The following EXOC6B variants were observed in gnomAD, a reference collection of about 807,000 sequenced individuals.
The protein encoded by EXOC6B is SEC15 homolog B.
Under a neutral mutation model 113.5 loss-of-function variants are expected in EXOC6B, and 54 were observed. That is an observed-to-expected ratio of 0.48 (90% confidence interval 0.38 to 0.60). The LOEUF (loss-of-function observed/expected upper bound fraction) is 0.60. Among genes scored for constraint, EXOC6B ranks in the 20% least tolerant of loss-of-function variants. The pLI is 0.00. For missense variants in EXOC6B, 797 were observed against 977.5 expected, an observed-to-expected ratio of 0.82 and a Z score of 2.46; for synonymous variants, 357 against 339.0, an observed-to-expected ratio of 1.05 and a Z score of -0.58.
chr2:72,365,541 T>C (rs982509560), intron 19 of EXOC6B, among the ~76,000 whole-genome samples: 4 of 152,134 alleles, frequency 2.6e-5, no homozygotes, highest in South Asian at 2.1e-4. Context: ...AAACAGAACA[T>C]GGTTGTCTTA....
At chr2:72,640,139 C>A (rs1251776784) in intron 6 of EXOC6B, among the ~76,000 whole-genome samples, 2 of 151,894 alleles carry the variant, frequency 1.3e-5, no homozygotes, top group Admixed American at 1.3e-4. Context: ...AATGCAGGAG[C>A]CAAGAGACAA....
At chr2:72,811,934 T>A (rs1166305625) in intron 1 of EXOC6B, among the ~76,000 whole-genome samples, 1 of 152,160 alleles carries the variant, frequency 6.6e-6, no homozygotes, top group African/African-American at 2.4e-5. Context: ...AACCTAAAGT[T>A]AACATGATAC....
chr2:72,257,115 G>A (rs1383988463), intron 20 of EXOC6B, among the ~76,000 whole-genome samples: 3 of 152,094 alleles, frequency 2.0e-5, no homozygotes, highest in East Asian at 1.9e-4. Context: ...CAAAGACAAC[G>A]CACATATGTG....
chr2:72,759,915 C>A (rs764306460), intron 1 of EXOC6B, among the ~76,000 whole-genome samples: 1 of 152,106 alleles, frequency 6.6e-6, no homozygotes, highest in Non-Finnish European at 1.5e-5. Context: ...ATGTCCCTAC[C>A]TTTTGAAGGC....
intron 18 of EXOC6B, among the ~76,000 whole-genome samples, chr2:72,431,647 T>A (rs547015863): frequency 6.6e-6 from 1 of 152,196 alleles, no homozygotes; most frequent in Non-Finnish European, 1.5e-5. Context: ...CAACTAAATT[T>A]TTTTATTATT....
At chr2:72,271,460 A>G (rs1324656542) in intron 20 of EXOC6B, among the ~76,000 whole-genome samples, 2 of 151,964 alleles carry the variant, frequency 1.3e-5, no homozygotes, top group Non-Finnish European at 2.9e-5. Flanking sequence ...CTACTGAAGG[A>G]GAGAGTTGGG....
chr2:72,207,616 C>A (rs775929189), intron 20 of EXOC6B, among the ~76,000 whole-genome samples: 15 of 152,126 alleles, frequency 9.9e-5, no homozygotes, highest in Non-Finnish European at 1.9e-4. Flanking sequence ...TAGGTCAAAG[C>A]TTTTGATATC....
At chr2:72,338,340 G>A (rs1023107645) in intron 19 of EXOC6B, among the ~76,000 whole-genome samples, 11 of 152,094 alleles carry the variant, frequency 7.2e-5, no homozygotes, top group African/African-American at 2.7e-4. Context: ...AAGGTTCATA[G>A]CGTACACTGA....
chr2:72,260,436 G>C (rs932874492), intron 20 of EXOC6B, among the ~76,000 whole-genome samples: 1 of 152,210 alleles, frequency 6.6e-6, no homozygotes, highest in East Asian at 1.9e-4. Context: ...ATTATGAGCA[G>C]AGTGTCATTA....
At chr2:72,521,780 T>G (rs1701501191) in intron 8 of EXOC6B, among the ~76,000 whole-genome samples, 1 of 152,104 alleles carries the variant, frequency 6.6e-6, no homozygotes, top group Non-Finnish European at 1.5e-5. Context: ...CACTGCAACC[T>G]CCGCCTCCCG....
rs57679690 is a variant in EXOC6B at position 72,189,860 on chromosome 2, C to CTTTTTTTTTTTTTTTTT, written c.2197-5690_2197-5674dup. Among the ~76,000 whole-genome samples the CTTTTTTTTTTTTTTTTT allele has an allele frequency of 1.3e-4, 11 of 87,252 alleles. 2 individuals carry two copies. The highest frequency in any genetic ancestry group is 5.2e-4 in the African/African-American group (8 of 15,346). 57.2% of individuals were successfully genotyped at this position (87,252 alleles called of 152,430 possible). A position where few individuals can be genotyped will look rare whatever the true frequency, so the allele number is the denominator to read the frequency against. On this transcript the variant is annotated intron_variant, in intron 20 of 21. Coordinates refer to ENST00000272427, the MANE Select transcript of EXOC6B (RefSeq NM_015189.3). ...TCTCTCTCTCTTTCTCCTTCTTCTT[C>CTTTTTTTTTTTTTTTTT]TTTTTTTTTTTTTTTTTTTTGAGGC...
chr2:72,664,743 T>C (rs1413974748), intron 6 of EXOC6B, among the ~76,000 whole-genome samples: 1 of 152,164 alleles, frequency 6.6e-6, no homozygotes, highest in African/African-American at 2.4e-5. Context: ...CAGCAGCCCT[T>C]TGAAAGGTTC....
rs1458516389 is a variant in EXOC6B at position 72,334,944 on chromosome 2, T to C, written c.2196+3A>G. ...AACAAAAAACAAAAACACAAAGACT[T>C]ACTTGTCTCAAGTCGATGAAGGCCA... is the stretch of plus-strand genomic sequence containing the variant. On this transcript the variant is annotated splice_donor_region_variant and intron_variant, in intron 20 of 21. Coordinates refer to ENST00000272427, the MANE Select transcript of EXOC6B (RefSeq NM_015189.3). The C allele has an allele frequency of 1.2e-6, 2 of 1,613,104 alleles. No individual in the cohort carries two copies. The highest frequency in any genetic ancestry group is 1.7e-5 in the Admixed American group (1 of 59,958).
At chr2:72,211,191 G>T (rs140343708) in intron 20 of EXOC6B, among the ~76,000 whole-genome samples, 1 of 152,286 alleles carries the variant, frequency 6.6e-6, no homozygotes, top group East Asian at 1.9e-4. Flanking sequence ...CAGAGACTCA[G>T]TTAGTGACGT....
At chr2:72,331,599 G>T (rs927968341) in intron 20 of EXOC6B, among the ~76,000 whole-genome samples, 1 of 151,940 alleles carries the variant, frequency 6.6e-6, no homozygotes, top group African/African-American at 2.4e-5. Flanking sequence ...TTTGATTTTT[G>T]CATGAGAAGT....
chr2:72,594,124 G>A (rs1669919503), intron 6 of EXOC6B, among the ~76,000 whole-genome samples: 1 of 152,078 alleles, frequency 6.6e-6, no homozygotes, highest in Non-Finnish European at 1.5e-5. Flanking sequence ...GGGACCACAG[G>A]GGCATGCACG....
chr2:72,468,681 G>A lies in EXOC6B; in HGVS notation c.1801-3342C>T, dbSNP rs191460446. 3.9e-4 allele frequency among the ~76,000 whole-genome samples: 60 copies of A among 152,204 alleles called. 2 individuals carry two copies. The highest frequency in any genetic ancestry group is 2.5e-3 in the East Asian group (13 of 5,184). ...TATTTACTTTATTCCTATGAAAAAT[G>A]CATTAGAATTTGAATAGGGATTCCA... On this transcript the variant is annotated intron_variant, in intron 17 of 21. Transcript: ENST00000272427.
intron 6 of EXOC6B, among the ~76,000 whole-genome samples, chr2:72,693,420 G>C (rs1463610987): frequency 6.6e-6 from 1 of 152,014 alleles, no homozygotes; most frequent in Non-Finnish European, 1.5e-5. Flanking sequence ...ATAATAAAAC[G>C]TATTTATTTT....
intron 7 of EXOC6B, among the ~76,000 whole-genome samples, chr2:72,566,704 T>A (rs539690675): frequency 6.6e-6 from 1 of 152,252 alleles, no homozygotes; most frequent in South Asian, 2.1e-4. Flanking sequence ...CAGTTTTTTT[T>A]ATTTTAGGTA....
Sources: gnomAD v4.1 joint callset for allele counts (sites outside exome capture counted in the v4.1 genomes callset) on GRCh38, gnomAD v4.1.1 for gene constraint, MANE v1.5 for transcripts, NCBI Gene and HGNC (gene_info 2026-07-23, HGNC 2026-07-21) for gene names.